Variants in PALS1 observed in about 807,000 individuals in gnomAD.
The protein encoded by PALS1 is protein associated with LIN7 1, MAGUK p55 family member.
Under a neutral mutation model 78.9 loss-of-function variants are expected in PALS1, and 31 were observed. That is an observed-to-expected ratio of 0.39 (90% confidence interval 0.30 to 0.53). The LOEUF (loss-of-function observed/expected upper bound fraction) is 0.53, where lower values mean the gene tolerates loss of function less well. PALS1 is among the 20% of genes least tolerant of loss of function. PALS1 has a pLI of 0.67. For synonymous variants in PALS1, 276 were observed against 270.9 expected, an observed-to-expected ratio of 1.02 and a Z score of -0.18; for missense variants, 704 against 826.5, an observed-to-expected ratio of 0.85 and a Z score of 1.82.
chr14:67,324,479 G>T (rs2141012713), intron 14 of PALS1, among the ~76,000 whole-genome samples: 1 of 152,218 alleles, frequency 6.6e-6, no homozygotes, highest in Middle Eastern at 3.4e-3. Context: ...GGCTCACTCA[G>T]ATTGCCTCAT....
intron 13 of PALS1, among the ~76,000 whole-genome samples, 157 bp from the exon 14 acceptor site, chr14:67,323,545 T>C (rs1038700497): frequency 5.3e-5 from 8 of 151,256 alleles, no homozygotes; most frequent in African/African-American, 1.9e-4. Context: ...GTGCAGCAGA[T>C]TGAGGTTGCA....
Position 67,280,255 on chromosome 14 carries a change from C to T in PALS1, c.367+718C>T, listed in dbSNP as rs942516501. ...TGTTTCCAAACTTAGAATATTTAAT[C>T]ATTGAATTTACTGCCTGCCCTTCTT... On this transcript the variant is annotated intron_variant, in intron 3 of 14. Coordinates refer to ENST00000261681, the MANE Select transcript of PALS1 (RefSeq NM_022474.4). 1.3e-5 allele frequency among the ~76,000 whole-genome samples: 2 copies of T among 152,306 alleles called. 1 individual carries two copies. Among genetic ancestry groups the T allele is most frequent in the Middle Eastern group, 6.8e-3 (2 of 294 alleles).
At chr14:67,278,859 C>T (rs1317569025) in intron 2 of PALS1, among the ~76,000 whole-genome samples, 159 bp from the exon 3 acceptor site, 1 of 152,046 alleles carries the variant, frequency 6.6e-6, no homozygotes, top group Admixed American at 6.6e-5. Flanking sequence ...TTGATTTCCT[C>T]ACCATTATCT....
chr14:67,251,541 A>T (rs899091614), intron 1 of PALS1, among the ~76,000 whole-genome samples: 1 of 152,140 alleles, frequency 6.6e-6, no homozygotes, highest in Non-Finnish European at 1.5e-5. Context: ...CCTGTCTCAA[A>T]AAAAAAGTAG....
In PALS1 at chr14:67,301,215, G is replaced by A. The variant is rs187449582; in HGVS notation, c.577-174G>A. Among the ~76,000 whole-genome samples, 794 of 152,064 alleles carry A rather than the reference G, an allele frequency of 5.2e-3. 3 individuals are homozygous for A. Among genetic ancestry groups the A allele is most frequent in the Middle Eastern group, 0.037 (11 of 294 alleles). On this transcript the variant is annotated intron_variant, in intron 4 of 14. Coordinates refer to ENST00000261681, the MANE Select transcript of PALS1 (RefSeq NM_022474.4). Reference sequence around the variant, plus strand: ...TAGTGTTTTTTTAATAAGAAATACTGTTGTTTTATCCATAATAACAAGATT... The same window carrying A: ...TAGTGTTTTTTTAATAAGAAATACTATTGTTTTATCCATAATAACAAGATT...
At chr14:67,246,290 C>A (rs758634554) in intron 1 of PALS1, among the ~76,000 whole-genome samples, 7 of 151,560 alleles carry the variant, frequency 4.6e-5, no homozygotes, top group Non-Finnish European at 7.4e-5. Flanking sequence ...CCGCACTTGG[C>A]TGATTTTTAA....
rs1210535058 is a variant in PALS1 at position 67,333,788 on chromosome 14, C to T, written c.*832C>T. 6.6e-6 allele frequency: 1 copy of T among 151,224 alleles called. No individual in the cohort carries two copies. Among genetic ancestry groups the T allele is most frequent in the Non-Finnish European group, 1.5e-5 (1 of 68,012 alleles). The allele number at this position is 151,224 out of a possible 1,614,324, so 9.4% of individuals were successfully genotyped here. On this transcript the variant is annotated 3_prime_UTR_variant, in exon 15 of 15. Coordinates refer to ENST00000261681, the MANE Select transcript of PALS1 (RefSeq NM_022474.4). ...ATGTATGTTACATTTTTATGAATGG[C>T]AGGTGTTCATTATAATCTGTATTGA...
chr14:67,317,424 AAAG>A lies in PALS1; in HGVS notation c.1320_1322del (p.Lys440del). ...GCTCAACAGGAAAACTGTGGTGTGC[AAAG>A]AAGAATAAAAAGAAGAGGAAAAAGG... On this transcript the variant is annotated inframe_deletion, in exon 11 of 15. Transcript: ENST00000261681. 6 of 1,612,424 alleles carry A rather than the reference AAAG, an allele frequency of 3.7e-6. No homozygotes were observed. Among genetic ancestry groups the A allele is most frequent in the Non-Finnish European group, 5.1e-6 (6 of 1,178,974 alleles).
intron 3 of PALS1, among the ~76,000 whole-genome samples, chr14:67,291,078 G>A (rs1424479421): frequency 6.6e-6 from 1 of 152,004 alleles, no homozygotes; most frequent in Non-Finnish European, 1.5e-5. Flanking sequence ...CAGGGGGGTC[G>A]GAGTTGACAA....
intron 9 of PALS1, among the ~76,000 whole-genome samples, chr14:67,315,512 G>A (rs1184678448): frequency 1.3e-5 from 2 of 151,986 alleles, no homozygotes; most frequent in South Asian, 2.1e-4. Flanking sequence ...TCCTGACCTC[G>A]TGATCTGCCC....
chr14:67,325,242 CCTTCCT>C lies in PALS1; in HGVS notation c.1851+1441_1851+1446del, dbSNP rs147575447. On this transcript the variant is annotated intron_variant, in intron 14 of 14. Coordinates refer to ENST00000261681, the MANE Select transcript of PALS1 (RefSeq NM_022474.4). ...TGACTGTCCACCACAACACATTAAC[CCTTCCT>C]CTTCCTCTTCACCCTCCAAAATATC... Among the ~76,000 whole-genome samples the C allele has an allele frequency of 1.6e-3, 246 of 152,206 alleles. 3 individuals carry two copies. In the East Asian group the frequency reaches 0.043, roughly 26 times the overall value.
At chr14:67,256,580 C>G (rs1165564939) in intron 1 of PALS1, among the ~76,000 whole-genome samples, 1 of 152,026 alleles carries the variant, frequency 6.6e-6, no homozygotes, top group Non-Finnish European at 1.5e-5. Flanking sequence ...TGGAGTCTCG[C>G]TCTGTTGCCC....
At chr14:67,247,117 A>G (rs1462293769) in intron 1 of PALS1, among the ~76,000 whole-genome samples, 1 of 152,228 alleles carries the variant, frequency 6.6e-6, no homozygotes, top group Non-Finnish European at 1.5e-5. Context: ...ATTGTGTCTA[A>G]TTTAGAGATC....
intron 13 of PALS1, among the ~76,000 whole-genome samples, chr14:67,322,835 TG>T (rs1435064990): frequency 6.6e-6 from 1 of 152,232 alleles, no homozygotes; most frequent in Non-Finnish European, 1.5e-5. Context: ...ATCTCCATTT[TG>T]ATAGAGCGTG....
intron 1 of PALS1, among the ~76,000 whole-genome samples, chr14:67,252,211 T>A (rs910462193): frequency 1.3e-5 from 2 of 152,156 alleles, no homozygotes; most frequent in Non-Finnish European, 2.9e-5. Flanking sequence ...TTTCTTAGAA[T>A]CAAGGTCTTG....
chr14:67,323,123 C>T (rs1371448871), intron 13 of PALS1, among the ~76,000 whole-genome samples: 1 of 151,732 alleles, frequency 6.6e-6, no homozygotes, highest in Non-Finnish European at 1.5e-5. Flanking sequence ...TAGTTGTCAT[C>T]CTTCAGTATC....
intron 4 of PALS1, among the ~76,000 whole-genome samples, chr14:67,298,045 A>G (rs755701854): frequency 1.3e-5 from 2 of 152,130 alleles, no homozygotes; most frequent in Non-Finnish European, 2.9e-5. Context: ...TTTAATGCTG[A>G]ATCAAAAAGG....
chr14:67,302,148 A>C, intron 6 of PALS1, 30 bp downstream of exon 6: 1 of 1,565,882 alleles, frequency 6.4e-7, no homozygotes, highest in South Asian at 1.2e-5. Context: ...TTTTTAAACA[A>C]GTGCATTTTT....
At chr14:67,288,270 C>T (rs1282880101) in intron 3 of PALS1, among the ~76,000 whole-genome samples, 14 of 152,018 alleles carry the variant, frequency 9.2e-5, no homozygotes, top group Admixed American at 3.3e-4. Context: ...TCAGTAGAGA[C>T]GGGATTTTAC....
Sources: allele counts gnomAD v4.1 joint callset (sites outside exome capture counted in the v4.1 genomes callset), GRCh38; gene constraint gnomAD v4.1.1; transcripts MANE v1.5; gene names NCBI Gene and HGNC (gene_info 2026-07-23, HGNC 2026-07-21).